Variants in NEUROD2 observed in about 807,000 individuals in gnomAD.
NEUROD2 encodes neurogenic differentiation factor 2.
Under a neutral mutation model 9.3 loss-of-function variants are expected in NEUROD2, and 5 were observed. The ratio of observed to expected loss-of-function variants is 0.54; its 90% CI spans 0.28 to 1.13. The LOEUF is 1.13. NEUROD2 is among the 50% of genes most tolerant of loss of function. NEUROD2 has a pLI of 0.10. For missense variants in NEUROD2, 376 were observed against 549.2 expected, an observed-to-expected ratio of 0.68 and a Z score of 3.15; for synonymous variants, 277 against 257.3, an observed-to-expected ratio of 1.08 and a Z score of -0.73.
chr17:39,605,552 G>T lies in NEUROD2; in HGVS notation c.1048C>A (p.Arg350Ser), dbSNP rs2056764133. 6.2e-7 allele frequency: 1 copy of T among 1,613,362 alleles called. No homozygotes were observed. Among genetic ancestry groups the T allele is most frequent in the African/African-American group, 1.3e-5 (1 of 74,920 alleles). The change falls in exon 2 of 2, where the codon CGC (arginine) becomes AGC (serine). Residue 350 changes from arginine (R) to serine (S), a missense_variant. Coordinates refer to ENST00000302584, the MANE Select transcript of NEUROD2 (RefSeq NM_006160.4). This position sits in a 1 kb window ranked among gnomAD's most constrained non-coding sequence, Gnocchi z 6.8. ...HGLVFGSSAV[R>S]GGVHSENLLS... is the part of the protein sequence containing the mutation. The stretch of plus-strand genomic sequence containing the variant: ...AGATTCTCCGAGTGGACGCCCCCGC[G>T]CACAGCCGACGAGCCGAAGACTAGC...
chr17:39,605,941 C>T lies in NEUROD2; in HGVS notation c.659G>A (p.Gly220Asp). 1 of 1,612,406 alleles carries T rather than the reference C, an allele frequency of 6.2e-7. No individual in the cohort carries two copies. Among genetic ancestry groups the T allele is most frequent in the Non-Finnish European group, 8.5e-7 (1 of 1,179,822 alleles). The part of the protein sequence containing the change: ...LNSRNFLTEQ[G>D]ADGAGRFHGS... ...GTGGAAGCGGCCGGCACCGTCGGCG[C>T]CTTGCTCCGTGAGGAAGTTGCGAGA... is the stretch of plus-strand genomic sequence containing the variant. The change falls in exon 2 of 2, where the codon GGC becomes GAC. Residue 220 changes from glycine (G) to aspartate (D), a missense_variant. This residue lies in a region of NEUROD2 where 193 missense variants were observed against 255.8 expected (regional missense o/e 0.75). Coordinates refer to ENST00000302584, the MANE Select transcript of NEUROD2 (RefSeq NM_006160.4). This position sits in a 1 kb window ranked among gnomAD's most constrained non-coding sequence, Gnocchi z 6.8.
At position 39,606,715 on chromosome 17, in the gene NEUROD2, C is replaced by G; in HGVS notation, c.-5-111G>C. ...CCTCCACCCCCGAGTCTCGTGCGGG[C>G]TCCTGCCTAGGCTACCCTGGATGCC... is the stretch of plus-strand genomic sequence containing the variant. On this transcript the variant is annotated intron_variant, in intron 1 of 1. Coordinates refer to ENST00000302584, the MANE Select transcript of NEUROD2 (RefSeq NM_006160.4). This position sits in a 1 kb window ranked among gnomAD's most constrained non-coding sequence, Gnocchi z 7.8. 8.3e-7 allele frequency: 1 copy of G among 1,203,354 alleles called. No homozygotes were observed. The highest frequency in any genetic ancestry group is 1.1e-6 in the Non-Finnish European group (1 of 905,888). The allele number at this position is 1,203,354 out of a possible 1,614,324, so 74.5% of individuals were successfully genotyped here.
At chr17:39,607,639 G>A in intron 1 of NEUROD2, 89 bp downstream of exon 1, 1 of 985,252 alleles carries the variant, frequency 1.0e-6, no homozygotes, top group South Asian at 4.7e-5. Context: ...TCCCAGGAAG[G>A]AGGTATTTGA....
At position 39,605,457 on chromosome 17, in the gene NEUROD2, A is replaced by G; in HGVS notation, c.1143T>C (p.His381=). 1 of 1,576,054 alleles carries G rather than the reference A, an allele frequency of 6.3e-7. No individual in the cohort carries two copies. The highest frequency in any genetic ancestry group is 8.6e-7 in the Non-Finnish European group (1 of 1,158,058). Residue 381 remains histidine (H), a synonymous_variant, in exon 2 of 2, where the codon CAT becomes CAC. Transcript: ENST00000302584. This position sits in a 1 kb window ranked among gnomAD's most constrained non-coding sequence, Gnocchi z 6.8. ...PMYEELNAFF[H]N is the part of the protein sequence containing the mutation. ...AGGGAGCCGGCGCGAAGTCTCAGTTATGAAAAAACGCATTGAGCTCCTCGT... is the reference window on the plus strand; with the variant it reads ...AGGGAGCCGGCGCGAAGTCTCAGTTGTGAAAAAACGCATTGAGCTCCTCGT...
chr17:39,606,711 CG>C lies in NEUROD2; in HGVS notation c.-5-108del. 1 of 1,218,366 alleles carries C rather than the reference CG, an allele frequency of 8.2e-7. No individual in the cohort carries two copies. Among genetic ancestry groups the C allele is most frequent in the Non-Finnish European group, 1.1e-6 (1 of 918,744 alleles). 75.5% of individuals were successfully genotyped at this position (1,218,366 alleles called of 1,614,324 possible). ...CCCTCCTCCACCCCCGAGTCTCGTG[CG>C]GGCTCCTGCCTAGGCTACCCTGGAT... On this transcript the variant is annotated intron_variant, in intron 1 of 1. Transcript: ENST00000302584. This position sits in a 1 kb window ranked among gnomAD's most constrained non-coding sequence, Gnocchi z 7.8.
At position 39,606,424 on chromosome 17, in the gene NEUROD2, G is replaced by T. The variant is rs1380384093; in HGVS notation, c.176C>A (p.Pro59His). Residue 59 changes from proline (P) to histidine (H), a missense_variant, in exon 2 of 2, where the codon CCT becomes CAT. Around this residue, in one of 3 missense-constraint regions of NEUROD2, gnomAD observed 134 missense variants for 133.6 expected, o/e 1.00. Transcript: ENST00000302584. This position sits in a 1 kb window ranked among gnomAD's most constrained non-coding sequence, Gnocchi z 7.8. ...CTCCGTCCCCTCTTCTCCACGGAGA[G>T]GGACTGGCTTGGCCGCCCGGGCTGG... ...PGPARAAKPV[P>H]LRGEEGTEAT... 1 of 1,529,940 alleles carries T rather than the reference G, an allele frequency of 6.5e-7. No homozygotes were observed. The highest frequency in any genetic ancestry group is 2.0e-5 in the Admixed American group (1 of 49,056). The allele number at this position is 1,529,940 out of a possible 1,614,324, so 94.8% of individuals were successfully genotyped here. A position where few individuals can be genotyped will look rare whatever the true frequency, so the allele number is the denominator to read the frequency against.
Position 39,605,341 on chromosome 17 carries a change from G to A in NEUROD2, c.*110C>T. 5 of 1,384,628 alleles carry A rather than the reference G, an allele frequency of 3.6e-6. No homozygotes were observed. The highest frequency in any genetic ancestry group is 4.8e-6 in the Non-Finnish European group (5 of 1,048,126). 85.8% of individuals were successfully genotyped at this position (1,384,628 alleles called of 1,614,324 possible). A position where few individuals can be genotyped will look rare whatever the true frequency, so the allele number is the denominator to read the frequency against. Reference sequence around the variant, plus strand: ...AGGAGAGCGGCAGGACCGGTGGCCCGCTCCCCGCGCCCGGCGCCGGGGTAG... The same window carrying A: ...AGGAGAGCGGCAGGACCGGTGGCCCACTCCCCGCGCCCGGCGCCGGGGTAG... On this transcript the variant is annotated 3_prime_UTR_variant, in exon 2 of 2. Transcript: ENST00000302584. The surrounding 1 kb of genome is among the most constrained non-coding windows in gnomAD (Gnocchi z 6.8).
rs1383414941 is a variant in NEUROD2, at chr17:39,605,979, A to G, written c.621T>C (p.Cys207=). The change falls in exon 2 of 2, where the codon TGT becomes TGC. Residue 207 remains cysteine, a synonymous_variant. Coordinates refer to ENST00000302584, the MANE Select transcript of NEUROD2 (RefSeq NM_006160.4). This position sits in a 1 kb window ranked among gnomAD's most constrained non-coding sequence, Gnocchi z 6.8. ...SQPTTNLVAG[C]LQLNSRNFLT... ...GGAAGTTGCGAGAGTTGAGCTGCAG[A>G]CAGCCGGCCACCAGATTGGTGGTGG... is the stretch of plus-strand genomic sequence containing the variant. 1.2e-6 allele frequency: 2 copies of G among 1,613,666 alleles called. No individual in the cohort carries two copies. Among genetic ancestry groups the G allele is most frequent in the Non-Finnish European group, 1.7e-6 (2 of 1,179,956 alleles).
rs1428604644 is a variant in NEUROD2 at position 39,606,848 on chromosome 17, C to T, written c.-5-244G>A. The T allele has an allele frequency of 1.3e-5, 6 of 469,254 alleles. No homozygotes were observed. The highest frequency in any genetic ancestry group is 2.2e-5 in the Non-Finnish European group (6 of 269,110). The allele number at this position is 469,254 out of a possible 1,614,324, so 29.1% of individuals were successfully genotyped here. A position where few individuals can be genotyped will look rare whatever the true frequency, so the allele number is the denominator to read the frequency against. On this transcript the variant is annotated intron_variant, in intron 1 of 1. Transcript: ENST00000302584. This position sits in a 1 kb window ranked among gnomAD's most constrained non-coding sequence, Gnocchi z 7.8. ...GGCGCTGGGCCCCGGCTCCGCCCCT[C>T]GCTTGAATGGGGGGCTGCTCCCCGC... is the stretch of plus-strand genomic sequence containing the variant.
chr17:39,606,810 A>G lies in NEUROD2; in HGVS notation c.-5-206T>C. 3.8e-6 allele frequency: 2 copies of G among 520,030 alleles called. No individual in the cohort carries two copies. Among genetic ancestry groups the G allele is most frequent in the Non-Finnish European group, 6.6e-6 (2 of 303,720 alleles). The allele number at this position is 520,030 out of a possible 1,614,324, so 32.2% of individuals were successfully genotyped here. On this transcript the variant is annotated intron_variant, in intron 1 of 1. Coordinates refer to ENST00000302584, the MANE Select transcript of NEUROD2 (RefSeq NM_006160.4). This position sits in a 1 kb window ranked among gnomAD's most constrained non-coding sequence, Gnocchi z 7.8. ...GGCTGCCGGCCTGGGATCTCGGCCC[A>G]GGCCCTCTCCCCGGCGCTGGGCCCC...
In NEUROD2 at chr17:39,604,213, G is replaced by A. The variant is rs145178826; in HGVS notation, c.*1238C>T. On this transcript the variant is annotated 3_prime_UTR_variant, in exon 2 of 2. Coordinates refer to ENST00000302584, the MANE Select transcript of NEUROD2 (RefSeq NM_006160.4). ...CCCAGGAGGGGACAGAATGGCCGCG[G>A]GGAGGAGGAGCCGGCGAGCTCACCT... The A allele has an allele frequency of 7.1e-3, 1,092 of 152,798 alleles. 8 individuals carry two copies. Among genetic ancestry groups the A allele is most frequent in the Non-Finnish European group, 0.012 (827 of 68,070 alleles). The allele number at this position is 152,798 out of a possible 1,614,324, so 9.5% of individuals were successfully genotyped here. A position where few individuals can be genotyped will look rare whatever the true frequency, so the allele number is the denominator to read the frequency against.
At chr17:39,607,679 CCT>C in intron 1 of NEUROD2, 47 bp downstream of exon 1, 1 of 984,738 alleles carries the variant, frequency 1.0e-6, no homozygotes, top group Non-Finnish European at 1.2e-6. Context: ...AGCTGCCGCC[CCT>C]CCTCCCAACC....
chr17:39,605,275 C>T lies in NEUROD2; in HGVS notation c.*176G>A, dbSNP rs2144811254. ...GAGTCCCCTGGGGGAAGCGAGGCCC[C>T]TGGGACAGGCCACCCACAGGTAACA... On this transcript the variant is annotated 3_prime_UTR_variant, in exon 2 of 2. Coordinates refer to ENST00000302584, the MANE Select transcript of NEUROD2 (RefSeq NM_006160.4). The surrounding 1 kb of genome is among the most constrained non-coding windows in gnomAD (Gnocchi z 6.8). The T allele has an allele frequency of 1.3e-6, 1 of 793,962 alleles. No individual in the cohort carries two copies. Among genetic ancestry groups the T allele is most frequent in the South Asian group, 2.0e-5 (1 of 49,200 alleles). 49.2% of individuals were successfully genotyped at this position (793,962 alleles called of 1,614,324 possible).
In NEUROD2 at chr17:39,607,717, G is replaced by A. The variant is rs1447435109; in HGVS notation, c.-6+11C>T. ...GGCGGGTCAGATCTCGCTCCCTTTC[G>A]GACAACTTACCTCGGAGAGGAGTCA... On this transcript the variant is annotated intron_variant, in intron 1 of 1. Coordinates refer to ENST00000302584, the MANE Select transcript of NEUROD2 (RefSeq NM_006160.4). The A allele has an allele frequency of 5.9e-6, 5 of 854,632 alleles. No homozygotes were observed. Among genetic ancestry groups the A allele is most frequent in the South Asian group, 5.4e-5 (1 of 18,678 alleles). The allele number at this position is 854,632 out of a possible 1,614,324, so 52.9% of individuals were successfully genotyped here. A position where few individuals can be genotyped will look rare whatever the true frequency, so the allele number is the denominator to read the frequency against.
chr17:39,605,706 C>T lies in NEUROD2; in HGVS notation c.894G>A (p.Pro298=), dbSNP rs530996860. Reference sequence around the variant, plus strand: ...CATTGAGACAGAGCGGGGGGCTGAGCGGGCCCTCGTACTCGGAGCTGTTGT... The same window carrying T: ...CATTGAGACAGAGCGGGGGGCTGAGTGGGCCCTCGTACTCGGAGCTGTTGT... ...PDYNSSEYEG[P]LSPPLCLNGN... Residue 298 remains proline, a synonymous_variant, in exon 2 of 2, where the codon CCG becomes CCA. Transcript: ENST00000302584. The surrounding 1 kb of genome is among the most constrained non-coding windows in gnomAD (Gnocchi z 6.8). 1.9e-6 allele frequency: 3 copies of T among 1,602,326 alleles called. No individual in the cohort carries two copies. Among genetic ancestry groups the T allele is most frequent in the South Asian group, 1.1e-5 (1 of 89,468 alleles).
At position 39,604,123 on chromosome 17, in the gene NEUROD2, C is replaced by CACCCACCG; in HGVS notation, c.*1320_*1327dup. On this transcript the variant is annotated 3_prime_UTR_variant, in exon 2 of 2. Transcript: ENST00000302584. ...CCAGACACCGGAAATCGCCAGGTGG[C>CACCCACCG]ACCCACCGAGGCACAGTCCGGGCAG... is the stretch of plus-strand genomic sequence containing the variant. 6.5e-6 allele frequency: 1 copy of CACCCACCG among 152,880 alleles called. No homozygotes were observed. Among genetic ancestry groups the CACCCACCG allele is most frequent in the Admixed American group, 6.5e-5 (1 of 15,306 alleles). 9.5% of individuals were successfully genotyped at this position (152,880 alleles called of 1,614,324 possible).
rs893846616 is a variant in NEUROD2, at chr17:39,606,947, C to T, written c.-5-343G>A. ...GACCAGATATCTTTGCCAGGGGAGG[C>T]GGCGCGCTCGCCCTGAAAGCCCGTT... is the stretch of plus-strand genomic sequence containing the variant. On this transcript the variant is annotated intron_variant, in intron 1 of 1. Transcript: ENST00000302584. This position sits in a 1 kb window ranked among gnomAD's most constrained non-coding sequence, Gnocchi z 7.8. The T allele has an allele frequency of 1.4e-5, 3 of 211,888 alleles. No homozygotes were observed. The highest frequency in any genetic ancestry group is 2.0e-4 in the East Asian group (2 of 9,874). 13.1% of individuals were successfully genotyped at this position (211,888 alleles called of 1,614,324 possible). A position where few individuals can be genotyped will look rare whatever the true frequency, so the allele number is the denominator to read the frequency against.
At chr17:39,607,507 C>T (rs901104326) in intron 1 of NEUROD2, 37 of 670,106 alleles carry the variant, frequency 5.5e-5, no homozygotes, top group Admixed American at 1.3e-4. Flanking sequence ...GTGATCCTGC[C>T]TTCCCCCCCC....
rs201776400 is a variant in NEUROD2, at chr17:39,605,578, C to T, written c.1022G>A (p.Gly341Glu). ...CACAGCCGACGAGCCGAAGACTAGC[C>T]CGTGGCCCGTGGGCCGCGAACCGGG... ...ALPGSRPTGH[G>E]LVFGSSAVRG... Residue 341 changes from glycine (G) to glutamate (E), a missense_variant, in exon 2 of 2, where the codon GGG becomes GAG. By Grantham distance (98) the Gly-to-Glu change is moderately conservative. Transcript: ENST00000302584. This position sits in a 1 kb window ranked among gnomAD's most constrained non-coding sequence, Gnocchi z 6.8. 2 of 1,613,760 alleles carry T rather than the reference C, an allele frequency of 1.2e-6. No homozygotes were observed. Among genetic ancestry groups the T allele is most frequent in the Non-Finnish European group, 1.7e-6 (2 of 1,179,860 alleles).
Sources: gnomAD v4.1 joint callset for allele counts on GRCh38, gnomAD v4.1.1 for gene constraint, gnomAD v4.1.1 regional missense constraint, Gnocchi (gnomAD v3.1) non-coding constraint, MANE v1.5 for transcripts, NCBI Gene and HGNC (gene_info 2026-07-23, HGNC 2026-07-21) for gene names.